TRABD2B: variants seen among roughly 807,000 people sequenced by gnomAD.
TRABD2B encodes TraB domain containing 2B.
A neutral mutation model predicts 40.1 loss-of-function variants in TRABD2B; 14 were observed. That is an observed-to-expected ratio of 0.35 (90% CI 0.23 to 0.55). TRABD2B has a LOEUF of 0.55. Among genes scored for constraint, TRABD2B ranks in the 20% least tolerant of loss-of-function variants. TRABD2B has a pLI of 0.90. For missense variants in TRABD2B, 541 were observed against 648.6 expected (o/e 0.83, Z 1.80); for synonymous variants, 263 against 277.0 (o/e 0.95, Z 0.50).
At chr1:47,953,521 A>G (rs1223589409) in intron 2 of TRABD2B, among the ~76,000 whole-genome samples, 3 of 152,136 alleles carry the variant, frequency 2.0e-5, no homozygotes, top group Admixed American at 2.0e-4. Context: ...CATTTCTCAG[A>G]CAAAAGGAAA....
chr1:47,972,629 A>C (rs1336713673), intron 2 of TRABD2B, among the ~76,000 whole-genome samples: 1 of 152,186 alleles, frequency 6.6e-6, no homozygotes, highest in Non-Finnish European at 1.5e-5. Flanking sequence ...CTGACCTCAG[A>C]CTTCCAGCCT....
At chr1:47,926,907 T>G (rs1156455125) in intron 2 of TRABD2B, among the ~76,000 whole-genome samples, 1 of 152,138 alleles carries the variant, frequency 6.6e-6, no homozygotes, top group Non-Finnish European at 1.5e-5. Context: ...GCAGGTTCAG[T>G]ATACATCCTA....
rs745744442 is a variant in TRABD2B at position 47,994,388 on chromosome 1, C to T, written c.312G>A (p.Pro104=). ...GCACGTCCTGCAGGTTTTCCCCGTG[C>T]GGCAGCAGCTGGCAGCTGGCCAGGG... The part of the protein sequence containing the change: ...ISALASCQLL[P]HGENLQDVLP... Residue 104 remains proline, a synonymous_variant, in exon 2 of 7, where the codon CCG becomes CCA. Coordinates refer to ENST00000606738, the MANE Select transcript of TRABD2B (RefSeq NM_001194986.2). This position sits in a 1 kb window ranked among gnomAD's most constrained non-coding sequence, Gnocchi z 6.7. 8.5e-6 allele frequency: 13 copies of T among 1,536,036 alleles called. No individual in the cohort carries two copies. The highest frequency in any genetic ancestry group is 7.8e-5 in the Admixed American group (4 of 50,990).
At chr1:47,912,031 T>C (rs1038927748) in intron 2 of TRABD2B, among the ~76,000 whole-genome samples, 30 of 152,314 alleles carry the variant, frequency 2.0e-4, no homozygotes, top group African/African-American at 7.2e-4. Flanking sequence ...GGGATGGATG[T>C]GGTTTTGTTT....
chr1:47,994,733 T>G lies in TRABD2B; in HGVS notation c.103-136A>C. The G allele has an allele frequency of 1.3e-6, 1 of 757,880 alleles. No homozygotes were observed. 46.9% of individuals were successfully genotyped at this position (757,880 alleles called of 1,614,324 possible). On this transcript the variant is annotated intron_variant, in intron 1 of 6. Transcript: ENST00000606738. The surrounding 1 kb of genome is among the most constrained non-coding windows in gnomAD (Gnocchi z 6.7). ...ACACAGGCCGTGGTAAAGAGCCAGGTCTTTGGAGCCTGAAAGACCCACATT... is the reference window on the plus strand; with the variant it reads ...ACACAGGCCGTGGTAAAGAGCCAGGGCTTTGGAGCCTGAAAGACCCACATT...
At chr1:47,981,800 G>C (rs1016641099) in intron 2 of TRABD2B, among the ~76,000 whole-genome samples, 4 of 152,232 alleles carry the variant, frequency 2.6e-5, no homozygotes, top group African/African-American at 7.2e-5. Flanking sequence ...ACTACTGAGA[G>C]CATAGAGCAC....
At chr1:47,910,695 T>C (rs1320159096) in intron 2 of TRABD2B, among the ~76,000 whole-genome samples, 1 of 152,192 alleles carries the variant, frequency 6.6e-6, no homozygotes, top group Non-Finnish European at 1.5e-5. Context: ...GCCACGCCAT[T>C]TCTCTCTCGG....
At chr1:47,984,340 C>T (rs879714931) in intron 2 of TRABD2B, among the ~76,000 whole-genome samples, 7 of 152,216 alleles carry the variant, frequency 4.6e-5, no homozygotes, top group Non-Finnish European at 7.3e-5. Context: ...ACACTGCGGC[C>T]CCCAAGGCGC....
intron 2 of TRABD2B, among the ~76,000 whole-genome samples, chr1:47,835,580 C>T (rs1557602479): frequency 6.6e-6 from 1 of 152,172 alleles, no homozygotes; most frequent in Non-Finnish European, 1.5e-5. Context: ...TGGCTGATTT[C>T]TCAACAGAAA....
At chr1:47,989,071 C>A (rs1421875308) in intron 2 of TRABD2B, among the ~76,000 whole-genome samples, 1 of 152,114 alleles carries the variant, frequency 6.6e-6, no homozygotes, top group Non-Finnish European at 1.5e-5. Flanking sequence ...CCCTTTCCAC[C>A]ATGTAAATAC....
At chr1:47,885,440 TC>T (rs1234059049) in intron 2 of TRABD2B, among the ~76,000 whole-genome samples, 1 of 152,206 alleles carries the variant, frequency 6.6e-6, no homozygotes, top group Non-Finnish European at 1.5e-5. Flanking sequence ...TCTGCTTTTT[TC>T]CCCATGGTAT....
intron 3 of TRABD2B, among the ~76,000 whole-genome samples, chr1:47,798,625 C>T (rs1384288906): frequency 6.6e-6 from 1 of 152,218 alleles, no homozygotes; most frequent in Non-Finnish European, 1.5e-5. Flanking sequence ...TCCTCATCCT[C>T]CACATTATAG....
intron 2 of TRABD2B, among the ~76,000 whole-genome samples, chr1:47,929,879 TCTAA>T (rs1557663195): frequency 6.6e-6 from 1 of 152,126 alleles, no homozygotes; most frequent in East Asian, 1.9e-4. Context: ...GTCAGAAACA[TCTAA>T]CTGTCTCTAG....
At chr1:47,883,590 C>G (rs916009457) in intron 2 of TRABD2B, among the ~76,000 whole-genome samples, 5 of 152,176 alleles carry the variant, frequency 3.3e-5, no homozygotes, top group Non-Finnish European at 7.3e-5. Context: ...GAGCCTGAAG[C>G]CTTCAGCTGT....
intron 2 of TRABD2B, among the ~76,000 whole-genome samples, chr1:47,901,489 T>C (rs1420801142): frequency 6.6e-6 from 1 of 152,072 alleles, no homozygotes; most frequent in South Asian, 2.1e-4. Context: ...CCCCTCCCAG[T>C]CCCTTTCCTG....
At chr1:47,970,877 C>T (rs888604270) in intron 2 of TRABD2B, among the ~76,000 whole-genome samples, 1 of 152,118 alleles carries the variant, frequency 6.6e-6, no homozygotes, top group Non-Finnish European at 1.5e-5. Flanking sequence ...GCTCTGGTGG[C>T]GCATGTCTGC....
At chr1:47,830,169 G>A (rs1202907095) in intron 2 of TRABD2B, among the ~76,000 whole-genome samples, 4 of 152,212 alleles carry the variant, frequency 2.6e-5, no homozygotes, top group African/African-American at 4.8e-5. Context: ...CCCCCTCCCA[G>A]ATGGGACCTC....
At position 47,880,795 on chromosome 1, in the gene TRABD2B, A is replaced by T. The variant is rs1295877879; in HGVS notation, c.667-79176T>A. Among the ~76,000 whole-genome samples, 7 of 152,354 alleles carry T rather than the reference A, an allele frequency of 4.6e-5. No individual in the cohort carries two copies. In the East Asian group the frequency reaches 1.4e-3, roughly 29 times the overall value. On this transcript the variant is annotated intron_variant, in intron 2 of 6. Transcript: ENST00000606738. Reference sequence around the variant, plus strand: ...GCAGGCTTCTCCGCCTCTCACAATAAGATATGAGGGCCAACCTGAACTTTC... The same window carrying T: ...GCAGGCTTCTCCGCCTCTCACAATATGATATGAGGGCCAACCTGAACTTTC...
chr1:47,899,503 A>G (rs6588549), intron 2 of TRABD2B, among the ~76,000 whole-genome samples: 147,325 of 152,320 alleles, frequency 0.97, 71,447 homozygotes, highest in Non-Finnish European at 1. Flanking sequence ...TGCCACCTCT[A>G]GAAAACTGCT....
Sources: allele counts gnomAD v4.1 joint callset (sites outside exome capture counted in the v4.1 genomes callset), GRCh38; gene constraint gnomAD v4.1.1; non-coding constraint Gnocchi (gnomAD v3.1); transcripts MANE v1.5; gene names NCBI Gene and HGNC (gene_info 2026-07-23, HGNC 2026-07-21).